IL17RD: variants seen among roughly 807,000 people sequenced by gnomAD.
IL17RD encodes interleukin-17 receptor D.
IL17RD carries 52 observed loss-of-function variants against 80.5 expected under a neutral mutation model. The observed-to-expected ratio is 0.65, with a 90% CI of 0.52 to 0.81. The LOEUF is 0.81. Ranked by LOEUF, IL17RD falls within the 40% of genes least tolerant of loss-of-function variation. The pLI is 0.00. For synonymous variants in IL17RD, 416 were observed against 391.8 expected, an observed-to-expected ratio of 1.06 and a Z score of -0.73; for missense variants, 1,024 against 955.1, an observed-to-expected ratio of 1.07 and a Z score of -0.95.
At chr3:57,132,005 G>T (rs949784523) in intron 1 of IL17RD, among the ~76,000 whole-genome samples, 10 of 152,204 alleles carry the variant, frequency 6.6e-5, no homozygotes, top group African/African-American at 2.4e-4. Flanking sequence ...GGGCAAAACG[G>T]TGAAACCCAT....
At chr3:57,163,726 C>T (rs1191449086) in intron 1 of IL17RD, among the ~76,000 whole-genome samples, 1 of 145,098 alleles carries the variant, frequency 6.9e-6, no homozygotes, top group Non-Finnish European at 1.5e-5. Context: ...TGAAATGGAA[C>T]ACAGTAAGAA....
At position 57,102,486 on chromosome 3, in the gene IL17RD, C is replaced by T; in HGVS notation, c.972G>A (p.Lys324=). 6.5e-7 allele frequency: 1 copy of T among 1,543,972 alleles called. No homozygotes were observed. The highest frequency in any genetic ancestry group is 8.9e-7 in the Non-Finnish European group (1 of 1,127,744). The part of the protein sequence containing the change: ...ATLFTVMCRK[K]QQENIYSHLD... ...CAGCACACAAAGAGATACCTTGTTG[C>T]TTCTTGCGGCACATCACAGTGAAGA... is the stretch of plus-strand genomic sequence containing the variant. The change falls in exon 10 of 13, where the codon AAG becomes AAA. Residue 324 remains lysine, a synonymous_variant. Transcript: ENST00000296318.
intron 1 of IL17RD, among the ~76,000 whole-genome samples, chr3:57,153,319 T>C (rs1229770307): frequency 2.0e-5 from 3 of 152,262 alleles, no homozygotes; most frequent in Non-Finnish European, 4.4e-5. Context: ...TTGTTACCAG[T>C]TGATATGTAA....
intron 8 of IL17RD, among the ~76,000 whole-genome samples, chr3:57,103,712 C>CT (rs1037297326): frequency 5.3e-5 from 8 of 149,982 alleles, no homozygotes; most frequent in East Asian, 1.9e-4. Context: ...TGAAACATTA[C>CT]TTTTTTTTTT....
intron 1 of IL17RD, chr3:57,134,394 G>A (rs1707677035): frequency 1.4e-6 from 1 of 706,782 alleles, no homozygotes; most frequent in African/African-American, 1.7e-5. Flanking sequence ...TACAGCCAAT[G>A]CCCAAATGCC....
intron 1 of IL17RD, among the ~76,000 whole-genome samples, chr3:57,153,887 T>C (rs2060247488): frequency 6.6e-6 from 1 of 152,076 alleles, no homozygotes; most frequent in Admixed American, 6.5e-5. Context: ...GGTGACTAGC[T>C]GCCTGCTTGA....
At chr3:57,103,050 ATAG>A in intron 9 of IL17RD, 38 bp downstream of exon 9, 2 of 1,440,870 alleles carry the variant, frequency 1.4e-6, no homozygotes, top group Non-Finnish European at 9.6e-7. Flanking sequence ...ACCTTGGTCT[ATAG>A]TAGTCTAGAG....
At chr3:57,139,632 C>G (rs975807676) in intron 1 of IL17RD, among the ~76,000 whole-genome samples, 10 of 151,816 alleles carry the variant, frequency 6.6e-5, no homozygotes, top group African/African-American at 1.9e-4. Context: ...CCTGCCTCAG[C>G]CTCCTGGGTA....
In IL17RD at chr3:57,097,630, G is replaced by A; in HGVS notation, c.2073C>T (p.Ser691=). The A allele has an allele frequency of 6.3e-7, 1 of 1,590,306 alleles. No individual in the cohort carries two copies. Among genetic ancestry groups the A allele is most frequent in the Non-Finnish European group, 8.6e-7 (1 of 1,168,860 alleles). ...GLSTDQTETS[S]LTESVSSSSG... ...AAGAGGAGGACACGCTCTCCGTCAG[G>A]GAAGACGTTTCTGTCTGGTCCGTCG... The change falls in exon 12 of 13, where the codon TCC becomes TCT. Residue 691 remains serine, a synonymous_variant. Coordinates refer to ENST00000296318, the MANE Select transcript of IL17RD (RefSeq NM_017563.5).
In IL17RD at chr3:57,095,149, C is replaced by G. The variant is rs1317490363; in HGVS notation, c.*1244G>C. On this transcript the variant is annotated 3_prime_UTR_variant, in exon 13 of 13. Coordinates refer to ENST00000296318, the MANE Select transcript of IL17RD (RefSeq NM_017563.5). ...GGCTGAATGCTGAGAAAACGGGTGC[C>G]AAAATCTAACAGCACCCATGAGAAA... 1 of 152,136 alleles carries G rather than the reference C, an allele frequency of 6.6e-6. No homozygotes were observed. Among genetic ancestry groups the G allele is most frequent in the Non-Finnish European group, 1.5e-5 (1 of 68,022 alleles). The allele number at this position is 152,136 out of a possible 1,614,324, so 9.4% of individuals were successfully genotyped here.
At chr3:57,118,613 C>G (rs533832234) in intron 2 of IL17RD, among the ~76,000 whole-genome samples, 2 of 152,218 alleles carry the variant, frequency 1.3e-5, no homozygotes, top group African/African-American at 4.8e-5. Context: ...ATGAAAGGAG[C>G]TGCTTAGAAA....
At chr3:57,107,881 T>C (rs1707000135) in intron 5 of IL17RD, among the ~76,000 whole-genome samples, 1 of 152,100 alleles carries the variant, frequency 6.6e-6, no homozygotes, top group Non-Finnish European at 1.5e-5. Context: ...GAGTTAATAT[T>C]TGGAATGCCT....
At chr3:57,122,627 C>T (rs923920248) in intron 1 of IL17RD, among the ~76,000 whole-genome samples, 2 of 152,142 alleles carry the variant, frequency 1.3e-5, no homozygotes, top group African/African-American at 4.8e-5. Context: ...CGAAACCATC[C>T]CCTACTGACC....
At chr3:57,096,803 A>C (rs1027256861) in intron 12 of IL17RD, among the ~76,000 whole-genome samples, 4 of 152,106 alleles carry the variant, frequency 2.6e-5, no homozygotes, top group African/African-American at 9.7e-5. Context: ...TGAGGTCAGG[A>C]GTTTGAGACC....
intron 2 of IL17RD, among the ~76,000 whole-genome samples, chr3:57,118,979 G>A (rs1707274235): frequency 6.6e-6 from 1 of 152,156 alleles, no homozygotes; most frequent in African/African-American, 2.4e-5. Context: ...GCAGAGGCGG[G>A]CAGATAACTT....
chr3:57,146,820 CTTTTT>C (rs761583197), intron 1 of IL17RD, among the ~76,000 whole-genome samples: 1 of 101,222 alleles, frequency 9.9e-6, no homozygotes. Context: ...GAGAGGTATT[CTTTTT>C]TTTTTTTTTT....
chr3:57,150,884 T>C (rs1411667898), intron 1 of IL17RD, among the ~76,000 whole-genome samples: 1 of 152,192 alleles, frequency 6.6e-6, no homozygotes, highest in Non-Finnish European at 1.5e-5. Context: ...GGGCCAAAAC[T>C]TGAGTTTAGC....
chr3:57,144,634 C>T (rs1707891421), intron 1 of IL17RD, among the ~76,000 whole-genome samples: 2 of 152,196 alleles, frequency 1.3e-5, no homozygotes, highest in African/African-American at 4.8e-5. Flanking sequence ...AGGGCTCTTC[C>T]AGAAATGTTC....
chr3:57,161,266 T>C (rs1334906181), intron 1 of IL17RD, among the ~76,000 whole-genome samples: 3 of 152,244 alleles, frequency 2.0e-5, no homozygotes, highest in African/African-American at 4.8e-5. Flanking sequence ...AGACCAGATG[T>C]GGGCTTAGGA....
Sources: allele counts gnomAD v4.1 joint callset (sites outside exome capture counted in the v4.1 genomes callset), GRCh38; gene constraint gnomAD v4.1.1; transcripts MANE v1.5; gene names NCBI Gene and HGNC (gene_info 2026-07-23, HGNC 2026-07-21).